GIT1: variants seen among roughly 807,000 people sequenced by gnomAD.
The protein encoded by GIT1 is GIT ArfGAP 1, also known as ARF GTPase-activating protein GIT1.
A neutral mutation model predicts 91.7 loss-of-function variants in GIT1; 14 were observed. The observed-to-expected ratio is 0.15, with a 90% CI of 0.10 to 0.24. GIT1 has a LOEUF of 0.24. Ranked by LOEUF, GIT1 falls within the 10% of genes least tolerant of loss-of-function variation. GIT1 has a pLI of 1.00. For missense variants in GIT1, 717 were observed against 1,024.9 expected, an observed-to-expected ratio of 0.70 and a Z score of 4.10; for synonymous variants, 414 against 418.2, an observed-to-expected ratio of 0.99 and a Z score of 0.12.
At chr17:29,583,345 G>A (rs2033467962) in intron 2 of GIT1, 138 bp downstream of exon 2, 1 of 825,360 alleles carries the variant, frequency 1.2e-6, no homozygotes, top group Admixed American at 2.4e-5. Flanking sequence ...GTCAGGATTA[G>A]CCTCTGCCCT....
chr17:29,581,497 G>A lies in GIT1; in HGVS notation c.719-117C>T, dbSNP rs1354495562. 5.8e-6 allele frequency: 5 copies of A among 863,996 alleles called. No homozygotes were observed. Among genetic ancestry groups the A allele is most frequent in the Middle Eastern group, 2.5e-4 (1 of 3,926 alleles). The allele number at this position is 863,996 out of a possible 1,614,324, so 53.5% of individuals were successfully genotyped here. On this transcript the variant is annotated intron_variant, in intron 6 of 19. Coordinates refer to ENST00000225394, the MANE Select transcript of GIT1 (RefSeq NM_014030.4). The surrounding 1 kb of genome is among the most constrained non-coding windows in gnomAD (Gnocchi z 4.8). Reference sequence around the variant, plus strand: ...CCCAGAAGTGTCAGGGGAAAGTGGGGAGGGCAGGCCACCCCCAAGAATGCT... The same window carrying A: ...CCCAGAAGTGTCAGGGGAAAGTGGGAAGGGCAGGCCACCCCCAAGAATGCT...
At chr17:29,584,924 G>C (rs1320737576) in intron 1 of GIT1, among the ~76,000 whole-genome samples, 3 of 150,696 alleles carry the variant, frequency 2.0e-5, no homozygotes, top group African/African-American at 7.3e-5. Context: ...ATGAAAACAG[G>C]AAGTAAAGGA....
intron 2 of GIT1, among the ~76,000 whole-genome samples, 176 bp from the exon 3 acceptor site, chr17:29,583,213 T>C (rs1244578276): frequency 6.6e-6 from 1 of 152,118 alleles, no homozygotes; most frequent in East Asian, 1.9e-4. Context: ...ACAGATCCCA[T>C]GAGTGTGCCA....
At chr17:29,582,585 A>G (rs1200456088) in intron 4 of GIT1, 113 bp downstream of exon 4, 1 of 726,454 alleles carries the variant, frequency 1.4e-6, no homozygotes, top group Non-Finnish European at 2.4e-6. Context: ...TGTTACCCTG[A>G]CCTGGCTGCC....
rs746766343 is a variant in GIT1 at position 29,577,655 on chromosome 17, G to A, written c.971C>T (p.Thr324Met). The A allele has an allele frequency of 1.2e-6, 2 of 1,605,596 alleles. No homozygotes were observed. The highest frequency in any genetic ancestry group is 1.1e-5 in the South Asian group (1 of 90,918). Residue 324 changes from threonine to methionine, a missense_variant, in exon 10 of 20, where the codon ACG becomes ATG. Thr to Met is a moderately conservative substitution (Grantham distance 81, BLOSUM62 -1). This residue lies in a region of GIT1 where 271 missense variants were observed against 451.6 expected (regional missense o/e 0.60). Transcript: ENST00000225394. ...FLPVNPEYSA[T>M]RNQGRQKLAR... ...ATCCAGCCCCCTCACCTGATTCCGC[G>A]TGGCTGAGTATTCCGGGTTAACAGG...
At position 29,583,337 on chromosome 17, in the gene GIT1, C is replaced by T. The variant is rs891316864; in HGVS notation, c.186+146G>A. On this transcript the variant is annotated intron_variant, in intron 2 of 19. Transcript: ENST00000225394. Reference sequence around the variant, plus strand: ...AAGTGAGTAGATGGGAGGAAAGGGTCAGGATTAGCCTCTGCCCTAGGGGGG... The same window carrying T: ...AAGTGAGTAGATGGGAGGAAAGGGTTAGGATTAGCCTCTGCCCTAGGGGGG... The T allele has an allele frequency of 1.3e-5, 10 of 763,912 alleles. No homozygotes were observed. The African/African-American group carries it at 1.7e-4, about 13-fold the overall frequency. 47.3% of individuals were successfully genotyped at this position (763,912 alleles called of 1,614,324 possible).
chr17:29,589,005 C>A lies in GIT1; in HGVS notation c.52+322G>T, dbSNP rs1039990720. 5.3e-5 allele frequency among the ~76,000 whole-genome samples: 8 copies of A among 152,224 alleles called. No homozygotes were observed. The highest frequency in any genetic ancestry group is 1.2e-4 in the African/African-American group (5 of 41,460). On this transcript the variant is annotated intron_variant, in intron 1 of 19. Coordinates refer to ENST00000225394, the MANE Select transcript of GIT1 (RefSeq NM_014030.4). This position sits in a 1 kb window ranked among gnomAD's most constrained non-coding sequence, Gnocchi z 5.2. ...CCTCCGCCACGGCCCTCCTGCCACCCCAGGCTGGCGCTTCCGTCGGATACA... is the reference window on the plus strand; with the variant it reads ...CCTCCGCCACGGCCCTCCTGCCACCACAGGCTGGCGCTTCCGTCGGATACA...
Position 29,581,133 on chromosome 17 carries a change from A to C in GIT1, c.761+205T>G, listed in dbSNP as rs2033380449. On this transcript the variant is annotated intron_variant, in intron 7 of 19. Coordinates refer to ENST00000225394, the MANE Select transcript of GIT1 (RefSeq NM_014030.4). This position sits in a 1 kb window ranked among gnomAD's most constrained non-coding sequence, Gnocchi z 4.8. ...CATGTACTTGACAGTCACGGGGCTCAGGCTATGCGGGCCACATATGGAGCT... is the reference window on the plus strand; with the variant it reads ...CATGTACTTGACAGTCACGGGGCTCCGGCTATGCGGGCCACATATGGAGCT... The C allele has an allele frequency of 3.3e-6, 2 of 598,306 alleles. No homozygotes were observed. Among genetic ancestry groups the C allele is most frequent in the South Asian group, 3.9e-5 (2 of 51,682 alleles). 37.1% of individuals were successfully genotyped at this position (598,306 alleles called of 1,614,324 possible).
rs745964877 is a variant in GIT1 at position 29,574,594 on chromosome 17, G to C, written c.*108C>G. ...CTGCCAGGGAGTGTGGCAGCACTAA[G>C]GGCACTTGTGCCAGTGGCTCTGTTG... On this transcript the variant is annotated 3_prime_UTR_variant, in exon 20 of 20. Coordinates refer to ENST00000225394, the MANE Select transcript of GIT1 (RefSeq NM_014030.4). The C allele has an allele frequency of 1.6e-5, 15 of 963,752 alleles. No individual in the cohort carries two copies. The highest frequency in any genetic ancestry group is 1.8e-5 in the Non-Finnish European group (11 of 603,746). The allele number at this position is 963,752 out of a possible 1,614,324, so 59.7% of individuals were successfully genotyped here. A position where few individuals can be genotyped will look rare whatever the true frequency, so the allele number is the denominator to read the frequency against.
At chr17:29,583,803 TG>T in intron 1 of GIT1, 187 bp from the exon 2 acceptor site, 1 of 637,406 alleles carries the variant, frequency 1.6e-6, no homozygotes, top group Non-Finnish European at 2.7e-6. Context: ...AGCTCACAGC[TG>T]GGGGCTGACA....
rs2033140966 is a variant in GIT1 at position 29,575,050 on chromosome 17, A to G, written c.2073+29T>C. On this transcript the variant is annotated intron_variant, in intron 19 of 19. Transcript: ENST00000225394. This position sits in a 1 kb window ranked among gnomAD's most constrained non-coding sequence, Gnocchi z 5.5. ...GCCTGCCCCAGCTCGAGGCCCTCCC[A>G]CTCCTGGTCCTCTCTTTGGCCCCTG... 1 of 1,546,626 alleles carries G rather than the reference A, an allele frequency of 6.5e-7. No homozygotes were observed. The highest frequency in any genetic ancestry group is 8.8e-7 in the Non-Finnish European group (1 of 1,136,438).
intron 14 of GIT1, 35 bp from the exon 15 acceptor site, chr17:29,576,166 C>T (rs374480078): frequency 2.3e-5 from 37 of 1,611,494 alleles, no homozygotes; most frequent in Non-Finnish European, 3.0e-5. Context: ...TCATGGTGGA[C>T]CCTGCGGCAG....
At position 29,576,923 on chromosome 17, in the gene GIT1, G is replaced by C; in HGVS notation, c.1167C>G (p.Asp389Glu). 6.3e-7 allele frequency: 1 copy of C among 1,586,414 alleles called. No homozygotes were observed. The highest frequency in any genetic ancestry group is 8.6e-7 in the Non-Finnish European group (1 of 1,169,164). The change falls in exon 12 of 20, where the codon GAC becomes GAG. Residue 389 changes from aspartate (D) to glutamate (E), a missense_variant. Transcript: ENST00000225394. ...DQHDYDSVASDEDTDQEPLRS... is the reference protein window; with the variant it reads ...DQHDYDSVASEEDTDQEPLRS... ...GCAGGGGCTCCTGGTCTGTGTCCTC[G>C]TCAGAGGCCACGCTGTCGTAGTCGT...
chr17:29,578,632 A>G, intron 8 of GIT1, 99 bp downstream of exon 8: 1 of 1,129,994 alleles, frequency 8.8e-7, no homozygotes, highest in African/African-American at 1.5e-5. Context: ...AAGACTTGGA[A>G]AAGGTCATCG....
At position 29,589,341 on chromosome 17, in the gene GIT1, TC is replaced by T. The variant is rs1417608505; in HGVS notation, c.37del (p.Asp13ThrfsTer175). 9.2e-7 allele frequency: 1 copy of T among 1,084,386 alleles called. No homozygotes were observed. The highest frequency in any genetic ancestry group is 1.1e-6 in the Non-Finnish European group (1 of 884,218). 67.2% of individuals were successfully genotyped at this position (1,084,386 alleles called of 1,614,324 possible). A position where few individuals can be genotyped will look rare whatever the true frequency, so the allele number is the denominator to read the frequency against. On this transcript the variant is annotated frameshift_variant, in exon 1 of 20. Transcript: ENST00000225394. LOFTEE classifies it high-confidence loss of function. The surrounding 1 kb of genome is among the most constrained non-coding windows in gnomAD (Gnocchi z 5.2). ...GCCGCGCTTACCCGGGGCGCTGCAGTCCGCACACACCTCCGCTCGCGGCCCC... is the reference window on the plus strand; with the variant it reads ...GCCGCGCTTACCCGGGGCGCTGCAGTCGCACACACCTCCGCTCGCGGCCCC... ...RKGPRAEVCA[D>X]CSAPDPGWAS... is the part of the protein sequence containing the mutation.
intron 12 of GIT1, 43 bp from the exon 13 acceptor site, chr17:29,576,717 A>C: frequency 6.2e-7 from 1 of 1,610,378 alleles, no homozygotes; most frequent in Non-Finnish European, 8.5e-7. Flanking sequence ...GGGGGCAGGG[A>C]GGCCAACACC....
At chr17:29,580,672 T>C (rs1014807990) in intron 7 of GIT1, among the ~76,000 whole-genome samples, 2 of 152,148 alleles carry the variant, frequency 1.3e-5, no homozygotes, top group African/African-American at 4.8e-5. Context: ...CACCCATCTT[T>C]TCAGCGAAGA....
At position 29,576,212 on chromosome 17, in the gene GIT1, T is replaced by G; in HGVS notation, c.1611+8A>C. 1 of 1,606,308 alleles carries G rather than the reference T, an allele frequency of 6.2e-7. No individual in the cohort carries two copies. Among genetic ancestry groups the G allele is most frequent in the Non-Finnish European group, 8.5e-7 (1 of 1,174,170 alleles). ...CTCCCCACACCTTGAGACCCATAGG[T>G]GACTCACAGTGCTGTGGAAAGGCTG... On this transcript the variant is annotated splice_region_variant and intron_variant, in intron 14 of 19. Transcript: ENST00000225394.
In GIT1 at chr17:29,581,813, G is replaced by T; in HGVS notation, c.647C>A (p.Ala216Glu). 1 of 1,612,426 alleles carries T rather than the reference G, an allele frequency of 6.2e-7. No homozygotes were observed. Reference protein sequence around the residue: ...YARQAGHHELAERLVECQYEL... With the variant: ...YARQAGHHELEERLVECQYEL... ...ATATTGGCACTCAACCAGCCTTTCC[G>T]CCAGCTCATGGTGCCCCGCCTGCCT... Residue 216 changes from alanine (A) to glutamate (E), a missense_variant, in exon 6 of 20, where the codon GCG becomes GAG. By Grantham distance (107) the Ala-to-Glu change is moderately radical. Around this residue, in one of 3 missense-constraint regions of GIT1, gnomAD observed 271 missense variants for 451.6 expected, o/e 0.60. Coordinates refer to ENST00000225394, the MANE Select transcript of GIT1 (RefSeq NM_014030.4). This position sits in a 1 kb window ranked among gnomAD's most constrained non-coding sequence, Gnocchi z 4.8.
Sources: allele counts gnomAD v4.1 joint callset (sites outside exome capture counted in the v4.1 genomes callset), GRCh38; gene constraint gnomAD v4.1.1; regional missense constraint gnomAD v4.1.1; non-coding constraint Gnocchi (gnomAD v3.1); transcripts MANE v1.5; gene names NCBI Gene and HGNC (gene_info 2026-07-23, HGNC 2026-07-21).